KCNK9: variants seen among roughly 807,000 people sequenced by gnomAD.
The protein encoded by KCNK9 is potassium two pore domain channel subfamily K member 9.
In KCNK9, 1 loss-of-function variant was observed where a neutral mutation model predicts 10.8. That is an observed-to-expected ratio of 0.09 (90% CI 0.03 to 0.44). The LOEUF (loss-of-function observed/expected upper bound fraction) is 0.44. KCNK9 is among the 20% of genes least tolerant of loss of function. KCNK9 has a pLI of 0.97. For missense variants in KCNK9, 303 were observed against 515.0 expected (o/e 0.59, Z 3.98); for synonymous variants, 231 against 222.7 (o/e 1.04, Z -0.33).
chr8:139,691,124 G>A (rs1017635609), intron 1 of KCNK9, among the ~76,000 whole-genome samples: 1 of 152,166 alleles, frequency 6.6e-6, no homozygotes, highest in South Asian at 2.1e-4. Context: ...AGTGACCAGA[G>A]CCAGTCGGCT....
intron 1 of KCNK9, among the ~76,000 whole-genome samples, chr8:139,652,139 G>A (rs1815884181): frequency 6.6e-6 from 1 of 152,098 alleles, no homozygotes; most frequent in African/African-American, 2.4e-5. Flanking sequence ...ATGCTCCCAA[G>A]AGCTGGGGCA....
At chr8:139,658,493 A>C (rs1791950565) in intron 1 of KCNK9, among the ~76,000 whole-genome samples, 1 of 152,216 alleles carries the variant, frequency 6.6e-6, no homozygotes, top group Admixed American at 6.5e-5. Context: ...GCTGCCCAGC[A>C]AGCCCCTAGC....
intron 1 of KCNK9, among the ~76,000 whole-genome samples, chr8:139,666,352 A>G (rs1202212496): frequency 6.6e-6 from 1 of 152,240 alleles, no homozygotes; most frequent in African/African-American, 2.4e-5. Flanking sequence ...GCACGGCGCT[A>G]TGTCAGTGCT....
At chr8:139,623,277 C>T (rs1219352874) in intron 1 of KCNK9, among the ~76,000 whole-genome samples, 1 of 152,168 alleles carries the variant, frequency 6.6e-6, no homozygotes, top group African/African-American at 2.4e-5. Context: ...ATTTTTTTCC[C>T]ATCTGCAAAT....
At chr8:139,651,176 A>G (rs1404595598) in intron 1 of KCNK9, among the ~76,000 whole-genome samples, 2 of 152,206 alleles carry the variant, frequency 1.3e-5, no homozygotes, top group Admixed American at 1.3e-4. Context: ...TCCCTCTAGC[A>G]GTTCCCCAAA....
At chr8:139,635,669 G>A (rs1815314938) in intron 1 of KCNK9, among the ~76,000 whole-genome samples, 1 of 152,082 alleles carries the variant, frequency 6.6e-6, no homozygotes, top group Non-Finnish European at 1.5e-5. Flanking sequence ...TTTCTATTTT[G>A]TAATTTGCTG....
chr8:139,661,268 C>T (rs1422552310), intron 1 of KCNK9, among the ~76,000 whole-genome samples: 2 of 152,204 alleles, frequency 1.3e-5, no homozygotes, highest in Non-Finnish European at 2.9e-5. Context: ...AGTCTCCACC[C>T]ACACAGAGCT....
chr8:139,684,706 G>T (rs1054315767), intron 1 of KCNK9, among the ~76,000 whole-genome samples: 1 of 152,140 alleles, frequency 6.6e-6, no homozygotes, highest in Non-Finnish European at 1.5e-5. Flanking sequence ...AACTAAAATT[G>T]TCAGAAATAC....
chr8:139,649,750 A>G (rs371349286), intron 1 of KCNK9, among the ~76,000 whole-genome samples: 8 of 152,066 alleles, frequency 5.3e-5, no homozygotes, highest in African/African-American at 1.7e-4. Context: ...CCTGGGGGGA[A>G]AAAAATTGCT....
At chr8:139,668,953 A>T (rs1816366254) in intron 1 of KCNK9, among the ~76,000 whole-genome samples, 1 of 152,184 alleles carries the variant, frequency 6.6e-6, no homozygotes, top group African/African-American at 2.4e-5. Context: ...TCGGTCTAAG[A>T]CACCACAACA....
chr8:139,631,556 T>C (rs1321625733), intron 1 of KCNK9, among the ~76,000 whole-genome samples: 1 of 152,212 alleles, frequency 6.6e-6, no homozygotes, highest in Non-Finnish European at 1.5e-5. Context: ...TGCATTTTCC[T>C]GCTGGCCGCC....
At chr8:139,655,111 C>T (rs1181022896) in intron 1 of KCNK9, among the ~76,000 whole-genome samples, 2 of 152,082 alleles carry the variant, frequency 1.3e-5, no homozygotes, top group African/African-American at 4.8e-5. Context: ...CCAGGCTCCT[C>T]GCCCCCACTC....
At chr8:139,609,422 CAT>C (rs1814350922), downstream of KCNK9, among the ~76,000 whole-genome samples, 1 of 152,208 alleles carries the variant, frequency 6.6e-6, no homozygotes, top group Non-Finnish European at 1.5e-5. Context: ...GGTAGGGGGA[CAT>C]ATTCTCCCAG....
chr8:139,647,638 G>A (rs970449861), intron 1 of KCNK9, among the ~76,000 whole-genome samples: 1 of 152,206 alleles, frequency 6.6e-6, no homozygotes, highest in East Asian at 1.9e-4. Context: ...ATGGCCAGGT[G>A]CAGCTGGAAA....
chr8:139,647,742 G>T (rs1815734596), intron 1 of KCNK9, among the ~76,000 whole-genome samples: 1 of 122,248 alleles, frequency 8.2e-6, no homozygotes, highest in Non-Finnish European at 1.7e-5. Flanking sequence ...GAAAGACAAG[G>T]AGCTTCCAGA....
chr8:139,605,011 A>AC (rs1412557532), intron 2 of KCNK9, among the ~76,000 whole-genome samples: 2 of 152,160 alleles, frequency 1.3e-5, no homozygotes, highest in African/African-American at 4.8e-5. Flanking sequence ...TAAGGGCACG[A>AC]CCCAGAAACC....
intron 1 of KCNK9, among the ~76,000 whole-genome samples, chr8:139,640,896 A>G (rs986184963): frequency 2.0e-5 from 3 of 152,222 alleles, no homozygotes; most frequent in Non-Finnish European, 4.4e-5. Flanking sequence ...AGCTCACTGG[A>G]GGTGCCAGGC....
At chr8:139,632,832 A>T (rs1425683770) in intron 1 of KCNK9, among the ~76,000 whole-genome samples, 2 of 152,168 alleles carry the variant, frequency 1.3e-5, no homozygotes, top group Admixed American at 6.5e-5. Context: ...TGATGCATGA[A>T]GCCAATGGCA....
intron 1 of KCNK9, among the ~76,000 whole-genome samples, chr8:139,694,008 C>A (rs1816992858): frequency 6.6e-6 from 1 of 152,098 alleles, no homozygotes; most frequent in Admixed American, 6.5e-5. Flanking sequence ...AGCCTGTGGC[C>A]CCCAAAGCCC....
Sources: gnomAD v4.1 joint callset for allele counts (sites outside exome capture counted in the v4.1 genomes callset) on GRCh38, gnomAD v4.1.1 for gene constraint, MANE v1.5 for transcripts, NCBI Gene and HGNC (gene_info 2026-07-23, HGNC 2026-07-21) for gene names.